Variants in LYRM4 observed in about 807,000 individuals in gnomAD.
LYRM4 encodes LYR motif containing 4, also known as LYR motif-containing protein 4.
A neutral mutation model predicts 11.7 loss-of-function variants in LYRM4; 9 were observed. That is an observed-to-expected ratio of 0.77 (90% CI 0.46 to 1.34). The LOEUF (loss-of-function observed/expected upper bound fraction) is 1.34, where lower values mean the gene tolerates loss of function less well. LYRM4 is among the 40% of genes most tolerant of loss of function. LYRM4 has a pLI of 0.00. For synonymous variants in LYRM4, 42 were observed against 40.4 expected (o/e 1.04, Z -0.15); for missense variants, 133 against 112.5 (o/e 1.18, Z -0.82).
the LYRM4 span, among the ~76,000 whole-genome samples, chr6:5,078,448 T>C: frequency 6.6e-6 from 1 of 152,134 alleles, no homozygotes; most frequent in Admixed American, 6.5e-5. Flanking sequence ...CCTCATCCCA[T>C]AGGGCTGTAT....
At chr6:5,195,100 C>A (rs1346566841) in intron 2 of LYRM4, among the ~76,000 whole-genome samples, 1 of 152,146 alleles carries the variant, frequency 6.6e-6, no homozygotes, top group Non-Finnish European at 1.5e-5. Context: ...AAAATACACA[C>A]AATAGACAAA....
the LYRM4 span, among the ~76,000 whole-genome samples, chr6:5,064,076 C>T: frequency 4.6e-5 from 7 of 152,298 alleles, no homozygotes; most frequent in Admixed American, 1.3e-4. Context: ...AGCCCATTCT[C>T]AACTTGTGTT....
chr6:5,217,233 C>T (rs1324550458), intron 1 of LYRM4, among the ~76,000 whole-genome samples: 1 of 152,212 alleles, frequency 6.6e-6, no homozygotes, highest in Admixed American at 6.5e-5. Context: ...GCTTTCCAGT[C>T]CTTGTCCCAT....
chr6:5,237,150 C>T (rs1342119382), intron 1 of LYRM4, among the ~76,000 whole-genome samples: 1 of 152,212 alleles, frequency 6.6e-6, no homozygotes, highest in African/African-American at 2.4e-5. Context: ...AAACCCTTGT[C>T]TGTGGCCTAT....
downstream of LYRM4, chr6:5,107,327 T>G (rs1762690999): frequency 6.6e-6 from 1 of 152,262 alleles, no homozygotes; most frequent in African/African-American, 2.4e-5. Flanking sequence ...GGAGCTGTTA[T>G]CTTGCCGGCA....
intron 2 of LYRM4, among the ~76,000 whole-genome samples, chr6:5,121,588 T>C (rs760365039): frequency 8.6e-5 from 13 of 151,646 alleles, no homozygotes; most frequent in Non-Finnish European, 1.5e-4. Flanking sequence ...CCACGTTACA[T>C]GTCAGCACTG....
At position 5,209,314 on chromosome 6, in the gene LYRM4, C is replaced by G. The variant is rs185438204; in HGVS notation, c.207+7304G>C. Among the ~76,000 whole-genome samples, 9 of 152,282 alleles carry G rather than the reference C, an allele frequency of 5.9e-5. No homozygotes were observed. The East Asian group carries it at 1.7e-3, about 29-fold the overall frequency. On this transcript the variant is annotated intron_variant, in intron 2 of 2. Coordinates refer to ENST00000330636, the MANE Select transcript of LYRM4 (RefSeq NM_020408.6). ...GTTTCACCATGTTCGCCAGGCTGATCTGGAACTCCTGACCTCAAGTGATCC... is the reference window on the plus strand; with the variant it reads ...GTTTCACCATGTTCGCCAGGCTGATGTGGAACTCCTGACCTCAAGTGATCC...
At chr6:5,190,569 T>G (rs887329628) in intron 2 of LYRM4, among the ~76,000 whole-genome samples, 2 of 152,128 alleles carry the variant, frequency 1.3e-5, no homozygotes, top group Non-Finnish European at 1.5e-5. Context: ...CTGAAAACAC[T>G]GAATTCCAAA....
chr6:5,224,073 G>C (rs995798323), intron 1 of LYRM4, among the ~76,000 whole-genome samples: 8 of 152,258 alleles, frequency 5.3e-5, no homozygotes, highest in African/African-American at 1.9e-4. Flanking sequence ...CTGGAGGCCT[G>C]CTATTTCTCC....
chr6:5,236,782 TAAA>T (rs567524087), intron 1 of LYRM4, among the ~76,000 whole-genome samples: 2 of 128,700 alleles, frequency 1.6e-5, no homozygotes. Flanking sequence ...ACCCTGTCTC[TAAA>T]AAAAAAAAAA....
chr6:5,240,660 C>G (rs889213315), intron 1 of LYRM4: 8 of 152,190 alleles, frequency 5.3e-5, no homozygotes, highest in African/African-American at 1.9e-4. Context: ...GATTGTAAAC[C>G]CGCAGCAGTA....
chr6:5,213,815 GT>G (rs779235227), intron 2 of LYRM4, among the ~76,000 whole-genome samples: 10 of 152,202 alleles, frequency 6.6e-5, no homozygotes, highest in Non-Finnish European at 1.0e-4. Context: ...TATGTGGGAT[GT>G]TCTAGATCCT....
At chr6:5,223,168 T>TG (rs1282364238) in intron 1 of LYRM4, among the ~76,000 whole-genome samples, 4 of 152,200 alleles carry the variant, frequency 2.6e-5, no homozygotes, top group Non-Finnish European at 2.9e-5. Flanking sequence ...TAATATCAAA[T>TG]GGAATACAGA....
At chr6:5,110,365 T>C (rs1006653182) in intron 2 of LYRM4, among the ~76,000 whole-genome samples, 7 of 136,048 alleles carry the variant, frequency 5.1e-5, no homozygotes, top group Non-Finnish European at 9.8e-5. Context: ...AGTGCTCTAT[T>C]TCGAAGTGAA....
At chr6:5,210,880 T>C (rs957065457) in intron 2 of LYRM4, among the ~76,000 whole-genome samples, 5 of 152,204 alleles carry the variant, frequency 3.3e-5, no homozygotes, top group Non-Finnish European at 7.4e-5. Context: ...TTCTATTGTA[T>C]GTATATACTA....
chr6:5,100,992 G>C (rs555079610), downstream of LYRM4, among the ~76,000 whole-genome samples: 3 of 152,100 alleles, frequency 2.0e-5, no homozygotes, highest in Non-Finnish European at 4.4e-5. Flanking sequence ...TTACGTCTCC[G>C]TGCCTGCCAC....
the LYRM4 span, chr6:5,034,376 C>G: frequency 6.6e-6 from 1 of 152,142 alleles, no homozygotes; most frequent in Admixed American, 6.5e-5. Flanking sequence ...GATGTTTGTC[C>G]CATCCAAGTC....
chr6:5,160,611 G>A (rs563743862), intron 2 of LYRM4, among the ~76,000 whole-genome samples: 2 of 151,506 alleles, frequency 1.3e-5, no homozygotes, highest in South Asian at 2.1e-4. Flanking sequence ...CATGTGAGAT[G>A]TGCCTTTGTT....
At chr6:5,074,019 GAC>G in the LYRM4 span, among the ~76,000 whole-genome samples, 1 of 152,124 alleles carries the variant, frequency 6.6e-6, no homozygotes, top group African/African-American at 2.4e-5. Flanking sequence ...GCCTCAGCTA[GAC>G]ACACGTGGCT....
Sources: allele counts gnomAD v4.1 joint callset (sites outside exome capture counted in the v4.1 genomes callset), GRCh38; gene constraint gnomAD v4.1.1; transcripts MANE v1.5; gene names NCBI Gene and HGNC (gene_info 2026-07-23, HGNC 2026-07-21).